VPS54: variants seen among roughly 807,000 people sequenced by gnomAD.
The protein encoded by VPS54 is VPS54 subunit of GARP complex, also known as vacuolar protein sorting-associated protein 54.
VPS54 carries 45 observed loss-of-function variants against 121.5 expected under a neutral mutation model. The ratio of observed to expected loss-of-function variants is 0.37; its 90% confidence interval spans 0.29 to 0.47. The LOEUF is 0.47. Among genes scored for constraint, VPS54 ranks in the 20% least tolerant of loss-of-function variants. The pLI is 0.99. For missense variants in VPS54, 1,090 were observed against 1,131.4 expected, an observed-to-expected ratio of 0.96 and a Z score of 0.52; for synonymous variants, 371 against 385.8, an observed-to-expected ratio of 0.96 and a Z score of 0.45.
chr2:63,914,898 T>C (rs1549043), intron 16 of VPS54, among the ~76,000 whole-genome samples: 149,616 of 152,118 alleles, frequency 0.98, 73,591 homozygotes, highest in East Asian at 1. Flanking sequence ...CTTTGGGAGG[T>C]CAAGGCAGGC....
chr2:63,992,348 C>T (rs1224991189), intron 1 of VPS54, among the ~76,000 whole-genome samples: 2 of 152,192 alleles, frequency 1.3e-5, no homozygotes, highest in African/African-American at 4.8e-5. Context: ...TTCCACCTAA[C>T]TCTTATAGTA....
chr2:63,983,875 T>C lies in VPS54; in HGVS notation c.125A>G (p.Lys42Arg), dbSNP rs1349837153. The change falls in exon 2 of 23, where the codon AAG (lysine) becomes AGG (arginine). Residue 42 changes from lysine to arginine, a missense_variant. Transcript: ENST00000272322. ...PVPSLPDVCP[K>R]EPTGDSHSLY... ...AAAAAAAGCATTACCTGTGGGTTCC[T>C]TGGGACACACATCTGGCAGTGATGG... The C allele has an allele frequency of 6.2e-7, 1 of 1,601,778 alleles. No individual in the cohort carries two copies. Among genetic ancestry groups the C allele is most frequent in the African/African-American group, 1.3e-5 (1 of 74,384 alleles).
chr2:63,901,231 A>AC lies in VPS54; in HGVS notation c.2626-1651dup, dbSNP rs1672667911. Reference sequence around the variant, plus strand: ...AAAAACAGATAATCTGTAAGACCATACATCAGAGAACAGAGATCAGGGGAA... The same window carrying AC: ...AAAAACAGATAATCTGTAAGACCATACCATCAGAGAACAGAGATCAGGGGAA... On this transcript the variant is annotated intron_variant, in intron 20 of 22. Coordinates refer to ENST00000272322, the MANE Select transcript of VPS54 (RefSeq NM_016516.3). Among the ~76,000 whole-genome samples, 6 of 152,356 alleles carry AC rather than the reference A, an allele frequency of 3.9e-5. No homozygotes were observed. In the South Asian group the frequency reaches 1.2e-3, roughly 32 times the overall value.
At chr2:63,919,178 A>G (rs1353804028) in intron 15 of VPS54, among the ~76,000 whole-genome samples, 1 of 151,964 alleles carries the variant, frequency 6.6e-6, no homozygotes, top group Non-Finnish European at 1.5e-5. Context: ...GTACAAAAAT[A>G]TTTCCCAGCC....
At chr2:63,941,654 T>G (rs1436906782) in intron 11 of VPS54, among the ~76,000 whole-genome samples, 1 of 152,180 alleles carries the variant, frequency 6.6e-6, no homozygotes, top group East Asian at 1.9e-4. Flanking sequence ...TAAAATTAAG[T>G]GGCTTGACTA....
intron 1 of VPS54, among the ~76,000 whole-genome samples, chr2:64,016,189 A>G (rs919087507): frequency 2.0e-5 from 3 of 152,218 alleles, no homozygotes; most frequent in African/African-American, 7.2e-5. Context: ...GCCCACTTTT[A>G]CTTATTGATT....
chr2:63,927,245 C>T (rs1406575531), intron 12 of VPS54, among the ~76,000 whole-genome samples: 1 of 152,182 alleles, frequency 6.6e-6, no homozygotes, highest in African/African-American at 2.4e-5. Context: ...CTGGGAGACA[C>T]CTCCCAGTAG....
Position 63,899,509 on chromosome 2 carries a change from C to T in VPS54, c.2698G>A (p.Ala900Thr), listed in dbSNP as rs1232009339. The T allele has an allele frequency of 6.2e-7, 1 of 1,613,884 alleles. No individual in the cohort carries two copies. Among genetic ancestry groups the T allele is most frequent in the South Asian group, 1.1e-5 (1 of 91,078 alleles). ...TCTTCTGGAAGGAGATCAAATATAG[C>T]TTCGTGCATTTTTGTCATTTGCTTA... ...ICKQMTKMHE[A>T]IFDLLPEEQT... is the part of the protein sequence containing the mutation. Residue 900 changes from alanine (A) to threonine (T), a missense_variant, in exon 21 of 23, where the codon GCT becomes ACT. Ala to Thr is a moderately conservative substitution (Grantham distance 58, BLOSUM62 0). Coordinates refer to ENST00000272322, the MANE Select transcript of VPS54 (RefSeq NM_016516.3).
At chr2:63,897,405 T>A (rs1672491118) in intron 22 of VPS54, 91 bp downstream of exon 22, 2 of 901,934 alleles carry the variant, frequency 2.2e-6, no homozygotes, top group African/African-American at 3.5e-5. Context: ...TTCAGTGTGA[T>A]TACAGCAGAA....
intron 7 of VPS54, among the ~76,000 whole-genome samples, chr2:63,955,158 T>A (rs1675435363): frequency 6.6e-6 from 1 of 152,022 alleles, no homozygotes; most frequent in Non-Finnish European, 1.5e-5. Context: ...AGGATACAGA[T>A]AAAACAAACT....
chr2:63,924,337 G>T (rs1424078967), intron 12 of VPS54, among the ~76,000 whole-genome samples: 3 of 152,196 alleles, frequency 2.0e-5, no homozygotes, highest in African/African-American at 7.2e-5. Flanking sequence ...GATGTGAGTG[G>T]AAGTAATAAG....
At chr2:63,981,533 A>C (rs908636747) in intron 3 of VPS54, 113 bp downstream of exon 3, 4 of 1,229,198 alleles carry the variant, frequency 3.3e-6, no homozygotes, top group Non-Finnish European at 4.4e-6. Context: ...GTATGAACGA[A>C]AAGAATACTA....
intron 9 of VPS54, among the ~76,000 whole-genome samples, chr2:63,946,032 CT>C (rs1283240838): frequency 1.3e-5 from 2 of 152,210 alleles, no homozygotes; most frequent in East Asian, 3.9e-4. Context: ...AGCTCCTCCC[CT>C]ATTCCCCTAC....
chr2:64,013,910 C>T (rs748704375), intron 1 of VPS54, among the ~76,000 whole-genome samples: 58 of 151,328 alleles, frequency 3.8e-4, no homozygotes, highest in Non-Finnish European at 1.2e-4. Context: ...TTTAAGAAAC[C>T]AGCCAGGCGC....
At chr2:63,957,441 C>CAAAAAAAAA (rs10551633) in intron 7 of VPS54, among the ~76,000 whole-genome samples, 1 of 90,120 alleles carries the variant, frequency 1.1e-5, no homozygotes, top group Non-Finnish European at 2.3e-5. Flanking sequence ...GACTCCATCT[C>CAAAAAAAAA]AAAAAAAAAA....
chr2:63,986,557 C>T (rs1215967097), intron 1 of VPS54, among the ~76,000 whole-genome samples: 5 of 152,194 alleles, frequency 3.3e-5, no homozygotes, highest in Non-Finnish European at 7.3e-5. Flanking sequence ...GTGAATACTG[C>T]TGCAATAAAT....
At chr2:63,933,621 T>C in intron 12 of VPS54, 52 bp downstream of exon 12, 1 of 1,513,026 alleles carries the variant, frequency 6.6e-7, no homozygotes, top group Non-Finnish European at 9.0e-7. Flanking sequence ...ACTGAATCCA[T>C]TAATAAGATG....
intron 1 of VPS54, among the ~76,000 whole-genome samples, chr2:64,010,641 T>C (rs1435575019): frequency 6.6e-6 from 1 of 151,788 alleles, no homozygotes; most frequent in African/African-American, 2.4e-5. Flanking sequence ...TCATACTACC[T>C]ATACACAAAT....
chr2:64,017,266 G>A (rs1678747856), intron 1 of VPS54, among the ~76,000 whole-genome samples: 1 of 151,414 alleles, frequency 6.6e-6, no homozygotes, highest in Non-Finnish European at 1.5e-5. Flanking sequence ...GAAGCCGGTA[G>A]GCGGAGGTTG....
Sources: gnomAD v4.1 joint callset for allele counts (sites outside exome capture counted in the v4.1 genomes callset) on GRCh38, gnomAD v4.1.1 for gene constraint, MANE v1.5 for transcripts, NCBI Gene and HGNC (gene_info 2026-07-23, HGNC 2026-07-21) for gene names.